ZBTB20: variants seen among roughly 807,000 people sequenced by gnomAD.
The protein encoded by ZBTB20 is zinc finger and BTB domain containing 20.
A neutral mutation model predicts 56.9 loss-of-function variants in ZBTB20; 9 were observed. The observed-to-expected ratio is 0.16, with a 90% CI of 0.10 to 0.28. ZBTB20 has a LOEUF of 0.28. Ranked by LOEUF, ZBTB20 falls within the 10% of genes least tolerant of loss-of-function variation. ZBTB20 has a pLI of 1.00. For missense variants in ZBTB20, 655 were observed against 1,003.0 expected (o/e 0.65, Z 4.69); for synonymous variants, 417 against 420.7 (o/e 0.99, Z 0.11).
At chr3:114,668,809 C>G (rs548684624) in intron 6 of ZBTB20, among the ~76,000 whole-genome samples, 7 of 152,012 alleles carry the variant, frequency 4.6e-5, no homozygotes, top group Admixed American at 3.9e-4. Flanking sequence ...ATCTTAGAAC[C>G]CTTTCTCTAA....
At chr3:114,981,214 A>T (rs1352600109) in intron 2 of ZBTB20, among the ~76,000 whole-genome samples, 1 of 152,080 alleles carries the variant, frequency 6.6e-6, no homozygotes, top group Non-Finnish European at 1.5e-5. Flanking sequence ...ATAACTAGAC[A>T]TAGGAGATTG....
At chr3:114,468,293 G>A (rs781039146) in intron 7 of ZBTB20, among the ~76,000 whole-genome samples, 67 of 152,072 alleles carry the variant, frequency 4.4e-4, no homozygotes, top group Non-Finnish European at 7.2e-4. Flanking sequence ...TTTTGATAGA[G>A]AATTAAAAAA....
intron 2 of ZBTB20, among the ~76,000 whole-genome samples, chr3:115,022,598 C>T (rs1230174989): frequency 1.3e-5 from 2 of 151,028 alleles, no homozygotes; most frequent in Admixed American, 1.3e-4. Context: ...AATCCCTTAT[C>T]TTCATTTCTT....
At chr3:114,680,969 T>G (rs998638277) in intron 6 of ZBTB20, among the ~76,000 whole-genome samples, 2 of 152,188 alleles carry the variant, frequency 1.3e-5, no homozygotes, top group Admixed American at 6.5e-5. Flanking sequence ...CCAGAGATAC[T>G]AATTGTTAAA....
chr3:114,355,677 T>G lies in ZBTB20; in HGVS notation c.200-3799A>C, dbSNP rs115372445. On this transcript the variant is annotated intron_variant, in intron 10 of 11. Coordinates refer to ENST00000675478, the MANE Select transcript of ZBTB20 (RefSeq NM_001348800.3). ...CATTAATGTATAGATTCCAATGGAA[T>G]AAATCTGAAATACTCTACTGTAGAA... is the stretch of plus-strand genomic sequence containing the variant. Among the ~76,000 whole-genome samples, 950 of 152,304 alleles carry G rather than the reference T, an allele frequency of 6.2e-3. 3 individuals are homozygous for G. The highest frequency in any genetic ancestry group is 0.01 in the Non-Finnish European group (708 of 68,026).
chr3:114,909,727 C>G (rs965963649), intron 3 of ZBTB20, among the ~76,000 whole-genome samples: 3 of 151,968 alleles, frequency 2.0e-5, no homozygotes, highest in Non-Finnish European at 4.4e-5. Flanking sequence ...AATCACCTAA[C>G]AATGCATTTC....
At chr3:114,729,793 G>T (rs1423694702) in intron 5 of ZBTB20, among the ~76,000 whole-genome samples, 1 of 151,598 alleles carries the variant, frequency 6.6e-6, no homozygotes, top group Non-Finnish European at 1.5e-5. Context: ...CTATATGTAG[G>T]ATTTTCTTTT....
intron 5 of ZBTB20, among the ~76,000 whole-genome samples, chr3:114,717,596 G>A (rs2108475220): frequency 6.6e-6 from 1 of 152,192 alleles, no homozygotes; most frequent in Non-Finnish European, 1.5e-5. Context: ...CCATGTTTGT[G>A]TATATTTATA....
intron 4 of ZBTB20, among the ~76,000 whole-genome samples, chr3:114,815,103 G>A (rs980185212): frequency 1.6e-4 from 25 of 152,104 alleles, no homozygotes; most frequent in Middle Eastern, 3.2e-3. Context: ...TCCATGACTT[G>A]CACTAAAGAA....
At chr3:114,943,661 A>G (rs1166398099) in intron 3 of ZBTB20, among the ~76,000 whole-genome samples, 1 of 145,482 alleles carries the variant, frequency 6.9e-6, no homozygotes, top group Non-Finnish European at 1.5e-5. Flanking sequence ...GAAAATATCC[A>G]GAATAAAACA....
At chr3:114,657,746 C>T (rs1014956966) in intron 6 of ZBTB20, among the ~76,000 whole-genome samples, 2 of 152,152 alleles carry the variant, frequency 1.3e-5, no homozygotes, top group African/African-American at 2.4e-5. Context: ...GGACAGTTCA[C>T]TCCAGATTCC....
intron 3 of ZBTB20, among the ~76,000 whole-genome samples, chr3:114,943,506 G>A (rs1300041915): frequency 6.9e-6 from 1 of 145,506 alleles, no homozygotes; most frequent in African/African-American, 2.8e-5. Context: ...TAAAGGAAAA[G>A]AGTGAGAATA....
At chr3:114,663,441 A>G (rs1308845957) in intron 6 of ZBTB20, among the ~76,000 whole-genome samples, 4 of 148,158 alleles carry the variant, frequency 2.7e-5, no homozygotes, top group African/African-American at 9.9e-5. Flanking sequence ...ATCATGCCAA[A>G]ATGTAAAGAC....
chr3:114,439,626 A>G (rs1048203691), intron 7 of ZBTB20, among the ~76,000 whole-genome samples: 5 of 152,178 alleles, frequency 3.3e-5, no homozygotes, highest in African/African-American at 1.2e-4. Flanking sequence ...GTCCAAAGTG[A>G]AATGAATGTG....
chr3:114,443,200 C>T (rs889816942), intron 7 of ZBTB20, among the ~76,000 whole-genome samples: 7 of 152,110 alleles, frequency 4.6e-5, no homozygotes, highest in Admixed American at 6.6e-5. Context: ...AAGAGGGAAT[C>T]TATAAATGTA....
chr3:114,557,109 A>G (rs1393466322), intron 6 of ZBTB20, among the ~76,000 whole-genome samples: 1 of 152,054 alleles, frequency 6.6e-6, no homozygotes, highest in Non-Finnish European at 1.5e-5. Context: ...ATTAGGGAAG[A>G]TTAACAACCA....
intron 7 of ZBTB20, among the ~76,000 whole-genome samples, chr3:114,421,722 G>A (rs1243449674): frequency 6.6e-6 from 1 of 151,786 alleles, no homozygotes; most frequent in Non-Finnish European, 1.5e-5. Flanking sequence ...ACATACATCA[G>A]GACACATTCA....
chr3:114,454,180 GAGAGA>G (rs2091845853), intron 7 of ZBTB20, among the ~76,000 whole-genome samples: 2 of 43,214 alleles, frequency 4.6e-5, no homozygotes. Context: ...AGAAGGGAGA[GAGAGA>G]GAGAGAGAGA....
At chr3:114,852,457 T>C (rs1576107327) in intron 4 of ZBTB20, among the ~76,000 whole-genome samples, 1 of 151,122 alleles carries the variant, frequency 6.6e-6, no homozygotes, top group Non-Finnish European at 1.5e-5. Context: ...AGAGAGGGGG[T>C]TTCACCATGC....
Sources: allele counts gnomAD v4.1 joint callset (sites outside exome capture counted in the v4.1 genomes callset), GRCh38; gene constraint gnomAD v4.1.1; transcripts MANE v1.5; gene names NCBI Gene and HGNC (gene_info 2026-07-23, HGNC 2026-07-21).